ESRRB: variants seen among roughly 807,000 people sequenced by gnomAD.
ESRRB encodes estrogen related receptor beta.
ESRRB carries 16 observed loss-of-function variants against 46.0 expected under a neutral mutation model. That is an observed-to-expected ratio of 0.35 (90% CI 0.24 to 0.53). The LOEUF is 0.53. ESRRB is among the 20% of genes least tolerant of loss of function. ESRRB has a pLI of 0.93. For missense variants in ESRRB, 488 were observed against 607.4 expected (o/e 0.80, Z 2.07); for synonymous variants, 246 against 259.6 (o/e 0.95, Z 0.50).
chr14:76,455,357 A>G (rs988741356), intron 2 of ESRRB, among the ~76,000 whole-genome samples: 18 of 152,258 alleles, frequency 1.2e-4, no homozygotes, highest in African/African-American at 3.9e-4. Context: ...TTATAGCTAT[A>G]TTTGCTGACA....
chr14:76,426,006 G>GTTTACT (rs1355214711), intron 1 of ESRRB, among the ~76,000 whole-genome samples: 1 of 152,226 alleles, frequency 6.6e-6, no homozygotes, highest in Non-Finnish European at 1.5e-5. Context: ...CTATTTGGCT[G>GTTTACT]TTTACTTATC....
intron 1 of ESRRB, among the ~76,000 whole-genome samples, chr14:76,430,897 G>A (rs925288659): frequency 1.1e-4 from 17 of 152,198 alleles, no homozygotes; most frequent in African/African-American, 3.9e-4. Context: ...CCCCATAGAG[G>A]AAAGCAAGCT....
intron 3 of ESRRB, among the ~76,000 whole-genome samples, chr14:76,471,150 G>A (rs1889360150): frequency 1.3e-5 from 2 of 152,148 alleles, no homozygotes; most frequent in South Asian, 4.1e-4. Context: ...AAAGAAACCT[G>A]GAGGTCATCC....
At chr14:76,408,652 A>T (rs1241919972) in intron 1 of ESRRB, among the ~76,000 whole-genome samples, 2 of 151,326 alleles carry the variant, frequency 1.3e-5, no homozygotes, top group Non-Finnish European at 2.9e-5. Flanking sequence ...GGCAGCCCCC[A>T]AATGCATAGA....
Position 76,376,300 on chromosome 14 carries a change from T to A in ESRRB, c.-102T>A. 1.1e-6 allele frequency: 1 copy of A among 926,654 alleles called. No homozygotes were observed. Among genetic ancestry groups the A allele is most frequent in the Non-Finnish European group, 1.4e-6 (1 of 709,572 alleles). The allele number at this position is 926,654 out of a possible 1,614,324, so 57.4% of individuals were successfully genotyped here. A position where few individuals can be genotyped will look rare whatever the true frequency, so the allele number is the denominator to read the frequency against. On this transcript the variant is annotated 5_prime_UTR_variant, in exon 1 of 7. Coordinates refer to ENST00000644823, the MANE Select transcript of ESRRB (RefSeq NM_001379180.1). The surrounding 1 kb of genome is among the most constrained non-coding windows in gnomAD (Gnocchi z 4.1). ...CCACTCTGCGTTCTCGCGCTCACTG[T>A]GCCCTGCCCGGGCTCGCACCTTGCC...
Position 76,395,820 on chromosome 14 carries a change from C to A in ESRRB, c.50+19369C>A, listed in dbSNP as rs548163362. On this transcript the variant is annotated intron_variant, in intron 1 of 6. Transcript: ENST00000644823. ...TCCACCTAATAAAGACTAAAAGTAC[C>A]AAGATTATGATACTTGGTACTTGGG... Among the ~76,000 whole-genome samples, 13 of 129,106 alleles carry A rather than the reference C, an allele frequency of 1.0e-4. No individual in the cohort carries two copies. In the East Asian group the frequency reaches 2.9e-3, roughly 29 times the overall value. 84.7% of individuals were successfully genotyped at this position (129,106 alleles called of 152,430 possible).
At chr14:76,359,430 T>G (rs1884436841) in intron 1 of ESRRB, among the ~76,000 whole-genome samples, 1 of 152,246 alleles carries the variant, frequency 6.6e-6, no homozygotes, top group Non-Finnish European at 1.5e-5. Flanking sequence ...AATTACTCTA[T>G]GCCAGGCACT....
intron 1 of ESRRB, among the ~76,000 whole-genome samples, chr14:76,395,051 C>T (rs968861146): frequency 6.6e-6 from 1 of 152,180 alleles, no homozygotes; most frequent in African/African-American, 2.4e-5. Flanking sequence ...CCGGGCCATC[C>T]CTGTAGGCTC....
chr14:76,375,964 T>C (rs903344470), upstream of ESRRB, among the ~76,000 whole-genome samples: 12 of 136,488 alleles, frequency 8.8e-5, 1 homozygote, highest in African/African-American at 3.3e-4. Context: ...GCTCAGGAGG[T>C]GGGGACCTCG....
At chr14:76,495,904 C>T (rs1890408712) in intron 6 of ESRRB, among the ~76,000 whole-genome samples, 1 of 152,156 alleles carries the variant, frequency 6.6e-6, no homozygotes, top group Non-Finnish European at 1.5e-5. Context: ...GACCAGTAAC[C>T]TCCAGAGGGC....
intron 6 of ESRRB, chr14:76,495,502 T>C (rs1209701088): frequency 2.7e-5 from 4 of 150,806 alleles, no homozygotes; most frequent in Non-Finnish European, 5.9e-5. Context: ...CATGAGGCCC[T>C]CTTGCTATCA....
chr14:76,310,958 C>G, intron 1 of ESRRB: 1 of 447,688 alleles, frequency 2.2e-6, no homozygotes, highest in Non-Finnish European at 4.4e-6. Context: ...CCAGACTCTG[C>G]GGGTCCTTTT....
chr14:76,399,955 C>G (rs1885868108), intron 1 of ESRRB, among the ~76,000 whole-genome samples: 1 of 152,226 alleles, frequency 6.6e-6, no homozygotes, highest in Admixed American at 6.5e-5. Context: ...TCAGGTCAGG[C>G]TCAGTCCCTG....
At chr14:76,367,103 T>C (rs374122521), upstream of ESRRB, among the ~76,000 whole-genome samples, 12 of 152,026 alleles carry the variant, frequency 7.9e-5, no homozygotes, top group East Asian at 1.2e-3. Context: ...ATTTGGGAGA[T>C]GCAAGCCCAG....
chr14:76,421,194 T>C (rs1886938272), intron 1 of ESRRB, among the ~76,000 whole-genome samples: 1 of 152,180 alleles, frequency 6.6e-6, no homozygotes, highest in African/African-American at 2.4e-5. Context: ...CTGGCCAGGA[T>C]AGGGAAGAAG....
chr14:76,396,661 C>T (rs1426867798), intron 1 of ESRRB, among the ~76,000 whole-genome samples: 5 of 152,232 alleles, frequency 3.3e-5, no homozygotes, highest in Non-Finnish European at 4.4e-5. Flanking sequence ...TGTCCCTGCT[C>T]CAGGTCCCTG....
intron 1 of ESRRB, among the ~76,000 whole-genome samples, chr14:76,395,283 C>T (rs1885629504): frequency 6.6e-6 from 1 of 152,174 alleles, no homozygotes; most frequent in South Asian, 2.1e-4. Context: ...CAGCCTGTGT[C>T]CAAGGTCAGT....
At chr14:76,333,549 A>G (rs1378169155) in intron 1 of ESRRB, among the ~76,000 whole-genome samples, 2 of 144,734 alleles carry the variant, frequency 1.4e-5, no homozygotes, top group African/African-American at 5.3e-5. Flanking sequence ...GCTGGTCTCA[A>G]ACTCCTGAGT....
chr14:76,375,633 T>G (rs538290812), upstream of ESRRB, among the ~76,000 whole-genome samples: 119 of 151,994 alleles, frequency 7.8e-4, 1 homozygote, highest in African/African-American at 2.8e-3. Context: ...TCTCCTGCCT[T>G]CTTGCTGTGC....
Sources: gnomAD v4.1 joint callset for allele counts (sites outside exome capture counted in the v4.1 genomes callset) on GRCh38, gnomAD v4.1.1 for gene constraint, Gnocchi (gnomAD v3.1) non-coding constraint, MANE v1.5 for transcripts, NCBI Gene and HGNC (gene_info 2026-07-23, HGNC 2026-07-21) for gene names.